Variants in TSHR observed in about 807,000 individuals in gnomAD.
TSHR encodes the protein thyroid stimulating hormone receptor.
Under a neutral mutation model 64.1 loss-of-function variants are expected in TSHR, and 51 were observed. The observed-to-expected ratio is 0.80, with a 90% confidence interval of 0.64 to 1.01. The LOEUF is 1.01. Among genes scored for constraint, TSHR ranks in the 50% least tolerant of loss-of-function variants. The pLI is 0.00. For missense variants in TSHR, 877 were observed against 942.8 expected (o/e 0.93, Z 0.91); for synonymous variants, 361 against 361.9 (o/e 1.00, Z 0.03).
chr14:81,116,136 A>C (rs940671948), intron 8 of TSHR, among the ~76,000 whole-genome samples: 11 of 152,002 alleles, frequency 7.2e-5, no homozygotes, highest in Non-Finnish European at 1.0e-4. Flanking sequence ...CGAGCAAAAT[A>C]ACCAGCTAAC....
At chr14:81,004,389 A>C (rs1889489893) in intron 1 of TSHR, among the ~76,000 whole-genome samples, 1 of 152,198 alleles carries the variant, frequency 6.6e-6, no homozygotes, top group Non-Finnish European at 1.5e-5. Context: ...CATAAAGCAC[A>C]CAGCTGTGGC....
intron 1 of TSHR, among the ~76,000 whole-genome samples, chr14:80,978,939 A>G (rs1211248327): frequency 6.6e-6 from 1 of 152,228 alleles, no homozygotes; most frequent in African/African-American, 2.4e-5. Flanking sequence ...ATTCTAATGA[A>G]TTTGAATTTC....
intron 3 of TSHR, among the ~76,000 whole-genome samples, chr14:81,072,129 A>T (rs1295877689): frequency 2.6e-5 from 4 of 152,214 alleles, no homozygotes; most frequent in Non-Finnish European, 4.4e-5. Context: ...TTGTGGACTG[A>T]AGAGCTAGCA....
chr14:80,981,399 C>A (rs1195793175), intron 1 of TSHR, among the ~76,000 whole-genome samples: 1 of 152,088 alleles, frequency 6.6e-6, no homozygotes, highest in East Asian at 1.9e-4. Flanking sequence ...CCATTCAGAT[C>A]ATGGGGAAAG....
At chr14:81,033,242 T>C in intron 1 of TSHR, 1 of 476,842 alleles carries the variant, frequency 2.1e-6, no homozygotes, top group South Asian at 1.7e-5. Flanking sequence ...GGCCAGAGCA[T>C]CCACTACTTG....
At chr14:81,120,330 C>G (rs8020969) in intron 8 of TSHR, among the ~76,000 whole-genome samples, 1 of 152,012 alleles carries the variant, frequency 6.6e-6, no homozygotes, top group Non-Finnish European at 1.5e-5. Flanking sequence ...AGCAGACCTT[C>G]GAGGAAATCC....
intron 1 of TSHR, among the ~76,000 whole-genome samples, chr14:81,060,087 T>C (rs1249411209): frequency 2.0e-5 from 3 of 152,168 alleles, no homozygotes; most frequent in African/African-American, 4.8e-5. Context: ...TAATTTTATA[T>C]ATGTTATTTA....
In TSHR at chr14:81,089,642, AAAG is replaced by A. The variant is rs926345029; in HGVS notation, c.393-1422_393-1420del. Among the ~76,000 whole-genome samples, 8 of 152,310 alleles carry A rather than the reference AAAG, an allele frequency of 5.3e-5. No homozygotes were observed. In the East Asian group the frequency reaches 1.5e-3, roughly 29 times the overall value. On this transcript the variant is annotated intron_variant, in intron 4 of 9. Coordinates refer to ENST00000298171, the MANE Select transcript of TSHR (RefSeq NM_000369.5). ...TTCAGGTAATTAGAGAAGACATCAGAAAGAAGACCCACAGCATGGTTTTAAGGG... is the reference window on the plus strand; with the variant it reads ...TTCAGGTAATTAGAGAAGACATCAGAAAGACCCACAGCATGGTTTTAAGGG...
intron 1 of TSHR, among the ~76,000 whole-genome samples, chr14:81,000,599 G>A (rs574088967): frequency 2.0e-5 from 3 of 151,270 alleles, no homozygotes; most frequent in East Asian, 2.0e-4. Flanking sequence ...TTCATGGGTC[G>A]CAGTCAGACT....
chr14:81,009,560 C>T (rs1235366161), intron 1 of TSHR, among the ~76,000 whole-genome samples: 1 of 152,116 alleles, frequency 6.6e-6, no homozygotes, highest in Non-Finnish European at 1.5e-5. Flanking sequence ...TTCGTTTTAT[C>T]ATATCTGCCC....
chr14:81,086,350 C>T (rs1192323824), intron 3 of TSHR, among the ~76,000 whole-genome samples: 3 of 152,106 alleles, frequency 2.0e-5, no homozygotes, highest in African/African-American at 7.2e-5. Flanking sequence ...TTAACTCCAT[C>T]CTCTCTTTTC....
intron 1 of TSHR, among the ~76,000 whole-genome samples, chr14:81,005,197 TTGTGTGTGTGTGTGTGTG>T (rs71103894): frequency 0.041 from 6,202 of 149,866 alleles, 363 homozygotes; most frequent in African/African-American, 0.13. Context: ...ACTCAAGCCT[TTGTGTGTGTGTGTGTGTG>T]TGTGTGTGTG....
chr14:81,049,046 C>T (rs1011377609), intron 1 of TSHR, among the ~76,000 whole-genome samples: 1 of 152,154 alleles, frequency 6.6e-6, no homozygotes, highest in Non-Finnish European at 1.5e-5. Flanking sequence ...TTTTGTTATA[C>T]ATCATTTTCT....
chr14:80,997,358 C>T (rs1191892507), intron 1 of TSHR, among the ~76,000 whole-genome samples: 3 of 152,198 alleles, frequency 2.0e-5, no homozygotes, highest in African/African-American at 7.2e-5. Flanking sequence ...AACATTCACC[C>T]CTCCCTATCT....
intron 3 of TSHR, among the ~76,000 whole-genome samples, chr14:81,077,318 T>C (rs1054196875): frequency 2.6e-5 from 4 of 152,224 alleles, no homozygotes; most frequent in Non-Finnish European, 4.4e-5. Context: ...ATTCTGAACA[T>C]GCATTTTAAA....
chr14:81,103,739 T>C lies in TSHR; in HGVS notation c.615-4636T>C. ...GTCACAAGTTAAGTCACACATTCAT[T>C]GTTTGGAATTTCTTTTCCATCCTCT... is the stretch of plus-strand genomic sequence containing the variant. On this transcript the variant is annotated intron_variant, in intron 7 of 9. Transcript: ENST00000298171. This position sits in a 1 kb window ranked among gnomAD's most constrained non-coding sequence, Gnocchi z 4.1. 1 of 985,484 alleles carries C rather than the reference T, an allele frequency of 1.0e-6. No homozygotes were observed. The highest frequency in any genetic ancestry group is 1.2e-6 in the Non-Finnish European group (1 of 829,934). 61.0% of individuals were successfully genotyped at this position (985,484 alleles called of 1,614,324 possible).
At chr14:81,109,471 A>T (rs545820323) in intron 8 of TSHR, among the ~76,000 whole-genome samples, 1 of 152,318 alleles carries the variant, frequency 6.6e-6, no homozygotes, top group African/African-American at 2.4e-5. Context: ...AGCACCGTAG[A>T]GATACACAAG....
chr14:81,040,489 C>T (rs1884866036), intron 1 of TSHR, among the ~76,000 whole-genome samples: 1 of 151,994 alleles, frequency 6.6e-6, no homozygotes, highest in African/African-American at 2.4e-5. Flanking sequence ...AAAACTTCTG[C>T]ACAGCAAAGT....
chr14:80,960,516 AC>A (rs1246654376), intron 1 of TSHR, among the ~76,000 whole-genome samples: 1 of 152,216 alleles, frequency 6.6e-6, no homozygotes, highest in Non-Finnish European at 1.5e-5. Flanking sequence ...AAGAATTCTG[AC>A]CTGAAAGTTA....
Sources: gnomAD v4.1 joint callset for allele counts (sites outside exome capture counted in the v4.1 genomes callset) on GRCh38, gnomAD v4.1.1 for gene constraint, Gnocchi (gnomAD v3.1) non-coding constraint, MANE v1.5 for transcripts, NCBI Gene and HGNC (gene_info 2026-07-23, HGNC 2026-07-21) for gene names.